COL5A1: variants seen among roughly 807,000 people sequenced by gnomAD.
The protein encoded by COL5A1 is collagen alpha-1(V) chain.
In COL5A1, 16 loss-of-function variants were observed where a neutral mutation model predicts 263.7. The observed-to-expected ratio is 0.06, with a 90% CI of 0.04 to 0.09. The LOEUF (loss-of-function observed/expected upper bound fraction) is 0.09, where lower values mean the gene tolerates loss of function less well. Among genes scored for constraint, COL5A1 ranks in the 10% least tolerant of loss-of-function variants. COL5A1 has a pLI of 1.00. For synonymous variants in COL5A1, 1,012 were observed against 1,004.5 expected (o/e 1.01, Z -0.14); for missense variants, 2,036 against 2,540.5 (o/e 0.80, Z 4.27).
Position 134,811,611 on chromosome 9 carries a change from G to A in COL5A1, c.3690+12G>A, listed in dbSNP as rs2132845317. 1.3e-6 allele frequency: 2 copies of A among 1,544,998 alleles called. No homozygotes were observed. Among genetic ancestry groups the A allele is most frequent in the Non-Finnish European group, 1.8e-6 (2 of 1,140,462 alleles). On this transcript the variant is annotated intron_variant, in intron 46 of 65. Coordinates refer to ENST00000371817, the MANE Select transcript of COL5A1 (RefSeq NM_000093.5). Reference sequence around the variant, plus strand: ...CAGTGGGGCTGCAGGTAACTGTGGGGTTCTCACCACACCGGGCTCCTCCGC... The same window carrying A: ...CAGTGGGGCTGCAGGTAACTGTGGGATTCTCACCACACCGGGCTCCTCCGC...
chr9:134,842,533 C>A lies in COL5A1; in HGVS notation c.*230C>A. 1 of 613,258 alleles carries A rather than the reference C, an allele frequency of 1.6e-6. No individual in the cohort carries two copies. The highest frequency in any genetic ancestry group is 2.9e-6 in the Non-Finnish European group (1 of 346,890). 38.0% of individuals were successfully genotyped at this position (613,258 alleles called of 1,614,324 possible). A position where few individuals can be genotyped will look rare whatever the true frequency, so the allele number is the denominator to read the frequency against. On this transcript the variant is annotated 3_prime_UTR_variant, in exon 66 of 66. Coordinates refer to ENST00000371817, the MANE Select transcript of COL5A1 (RefSeq NM_000093.5). The surrounding 1 kb of genome is among the most constrained non-coding windows in gnomAD (Gnocchi z 5.8). ...TGAATCACATGACCTAGCTGCACCC[C>A]AGCGCCTGGGCCCGCCCCACGCTCT...
At chr9:134,782,970 G>A (rs541748341) in intron 29 of COL5A1, among the ~76,000 whole-genome samples, 12 of 152,126 alleles carry the variant, frequency 7.9e-5, no homozygotes, top group Non-Finnish European at 1.3e-4. Context: ...CAGCTCCTCC[G>A]CCCAGTGTCC....
At chr9:134,659,636 C>G (rs528464964) in intron 1 of COL5A1, among the ~76,000 whole-genome samples, 1 of 152,298 alleles carries the variant, frequency 6.6e-6, no homozygotes, top group South Asian at 2.1e-4. Context: ...ACCAACAACC[C>G]TCTGTCCTCC....
intron 22 of COL5A1, 104 bp downstream of exon 22, chr9:134,766,602 T>C: frequency 2.4e-6 from 3 of 1,228,326 alleles, no homozygotes; most frequent in Non-Finnish European, 3.5e-6. Context: ...GCTGGGAACA[T>C]GAAGGGCAGG....
At chr9:134,654,262 T>C (rs1316707792) in intron 1 of COL5A1, among the ~76,000 whole-genome samples, 1 of 30,374 alleles carries the variant, frequency 3.3e-5, no homozygotes, top group Non-Finnish European at 6.1e-5. Flanking sequence ...TTTTGGGCTG[T>C]AGGTGTGTAG....
chr9:134,704,002 A>C (rs1833761998), intron 4 of COL5A1, among the ~76,000 whole-genome samples: 1 of 152,014 alleles, frequency 6.6e-6, no homozygotes, highest in African/African-American at 2.4e-5. Context: ...TGTAATTTCT[A>C]GTGTGTTCTG....
At chr9:134,802,660 A>AG in intron 38 of COL5A1, among the ~76,000 whole-genome samples, 1 of 152,324 alleles carries the variant, frequency 6.6e-6, no homozygotes, top group Admixed American at 6.5e-5. Context: ...AGGTGGGGGA[A>AG]GAGGGCCACG....
intron 63 of COL5A1, among the ~76,000 whole-genome samples, chr9:134,827,574 C>T (rs1215803299): frequency 6.6e-6 from 1 of 152,258 alleles, no homozygotes; most frequent in Non-Finnish European, 1.5e-5. Context: ...CTGTGGAAAT[C>T]ACGGGCCAGA....
In COL5A1 at chr9:134,842,434, C is replaced by T. The variant is rs541782903; in HGVS notation, c.*131C>T. Reference sequence around the variant, plus strand: ...CTCCCCTCCCACCTGACTTCATCTACGCCTCGGCACCACGGGGTGTGGGAC... The same window carrying T: ...CTCCCCTCCCACCTGACTTCATCTATGCCTCGGCACCACGGGGTGTGGGAC... On this transcript the variant is annotated 3_prime_UTR_variant, in exon 66 of 66. Coordinates refer to ENST00000371817, the MANE Select transcript of COL5A1 (RefSeq NM_000093.5). The surrounding 1 kb of genome is among the most constrained non-coding windows in gnomAD (Gnocchi z 5.8). 19 of 1,129,302 alleles carry T rather than the reference C, an allele frequency of 1.7e-5. No homozygotes were observed. The highest frequency in any genetic ancestry group is 7.7e-5 in the East Asian group (3 of 38,908). 70.0% of individuals were successfully genotyped at this position (1,129,302 alleles called of 1,614,324 possible). A position where few individuals can be genotyped will look rare whatever the true frequency, so the allele number is the denominator to read the frequency against.
At chr9:134,744,008 C>T (rs2132665189) in intron 11 of COL5A1, among the ~76,000 whole-genome samples, 1 of 152,262 alleles carries the variant, frequency 6.6e-6, no homozygotes, top group Middle Eastern at 3.4e-3. Flanking sequence ...GGTGCTACAC[C>T]CAGGGTGGGA....
intron 11 of COL5A1, among the ~76,000 whole-genome samples, chr9:134,744,423 CCA>C (rs1317629490): frequency 1.3e-5 from 2 of 151,098 alleles, no homozygotes; most frequent in Non-Finnish European, 3.0e-5. Flanking sequence ...ATGTACACAC[CCA>C]CACACGCACA....
intron 1 of COL5A1, among the ~76,000 whole-genome samples, chr9:134,683,856 C>T (rs546184980): frequency 1.5e-4 from 23 of 152,326 alleles, no homozygotes; most frequent in Non-Finnish European, 2.5e-4. Flanking sequence ...TCTGAAGACC[C>T]GTTCCCCACT....
At chr9:134,819,912 G>A (rs544022301) in intron 57 of COL5A1, among the ~76,000 whole-genome samples, 7 of 152,130 alleles carry the variant, frequency 4.6e-5, no homozygotes, top group East Asian at 3.9e-4. Flanking sequence ...GTTTTTAGAC[G>A]TGACTGTGGC....
intron 1 of COL5A1, among the ~76,000 whole-genome samples, chr9:134,661,339 C>T (rs1832197689): frequency 6.6e-6 from 1 of 151,528 alleles, no homozygotes; most frequent in Admixed American, 6.6e-5. Flanking sequence ...GCTGTTTGCA[C>T]CACCCCAGAT....
chr9:134,738,059 T>C lies in COL5A1; in HGVS notation c.1390-415T>C, dbSNP rs1027818422. The stretch of plus-strand genomic sequence containing the variant: ...GGGGCACCTATTTTTCCCTTATCCT[T>C]CCCAAATCCACCCGAGTCCCCTTGT... On this transcript the variant is annotated intron_variant, in intron 9 of 65. Coordinates refer to ENST00000371817, the MANE Select transcript of COL5A1 (RefSeq NM_000093.5). 5.3e-5 allele frequency among the ~76,000 whole-genome samples: 8 copies of C among 152,090 alleles called. 1 individual carries two copies. The highest frequency in any genetic ancestry group is 1.9e-4 in the African/African-American group (8 of 41,402).
chr9:134,834,273 A>C (rs1839765705), intron 64 of COL5A1, among the ~76,000 whole-genome samples: 1 of 152,190 alleles, frequency 6.6e-6, no homozygotes, highest in Non-Finnish European at 1.5e-5. Flanking sequence ...TCTGCGTTTC[A>C]GGAATGAGAG....
At chr9:134,643,944 G>C (rs1319198584) in intron 1 of COL5A1, among the ~76,000 whole-genome samples, 1 of 152,144 alleles carries the variant, frequency 6.6e-6, no homozygotes, top group Non-Finnish European at 1.5e-5. Context: ...CCTCCACACT[G>C]TCTTTTTCCC....
chr9:134,737,103 A>G (rs3109682), intron 9 of COL5A1, among the ~76,000 whole-genome samples: 40,779 of 152,084 alleles, frequency 0.27, 6,002 homozygotes, highest in African/African-American at 0.37. Context: ...ACTTCCATAG[A>G]TCCACCAGGC....
At chr9:134,760,456 CA>C (rs1836333742) in intron 18 of COL5A1, among the ~76,000 whole-genome samples, 1 of 104,722 alleles carries the variant, frequency 9.5e-6, no homozygotes, top group Non-Finnish European at 1.7e-5. Context: ...CATACACACC[CA>C]CACACCCCCA....
Sources: gnomAD v4.1 joint callset for allele counts (sites outside exome capture counted in the v4.1 genomes callset) on GRCh38, gnomAD v4.1.1 for gene constraint, Gnocchi (gnomAD v3.1) non-coding constraint, MANE v1.5 for transcripts, NCBI Gene and HGNC (gene_info 2026-07-23, HGNC 2026-07-21) for gene names.